Variants in KALRN observed in about 807,000 individuals in gnomAD.
KALRN encodes the protein kalirin.
In KALRN, 70 loss-of-function variants were observed where a neutral mutation model predicts 353.7. The observed-to-expected ratio is 0.20, with a 90% confidence interval of 0.16 to 0.24. The LOEUF (loss-of-function observed/expected upper bound fraction) is 0.24. KALRN is among the 10% of genes least tolerant of loss of function. The pLI is 1.00. For synonymous variants in KALRN, 1,391 were observed against 1,434.8 expected, an observed-to-expected ratio of 0.97 and a Z score of 0.69; for missense variants, 2,791 against 3,756.7, an observed-to-expected ratio of 0.74 and a Z score of 6.72.
chr3:124,515,691 A>C (rs1343916762), intron 33 of KALRN, among the ~76,000 whole-genome samples: 1 of 152,212 alleles, frequency 6.6e-6, no homozygotes, highest in African/African-American at 2.4e-5. Context: ...TTTCTCAAAG[A>C]AGAGAAATTA....
chr3:124,363,860 AG>A (rs533690500), intron 10 of KALRN, among the ~76,000 whole-genome samples: 139 of 152,348 alleles, frequency 9.1e-4, no homozygotes, highest in African/African-American at 3.3e-3. Context: ...ATATAAGTTT[AG>A]GTCAGTAGGA....
chr3:124,430,591 G>A, intron 15 of KALRN, 65 bp from the exon 16 acceptor site: 3 of 1,588,356 alleles, frequency 1.9e-6, no homozygotes, highest in Non-Finnish European at 2.6e-6. Context: ...CCCCATGAGA[G>A]GAGGCAACAG....
intron 56 of KALRN, among the ~76,000 whole-genome samples, chr3:124,700,754 C>T (rs527824810): frequency 8.5e-5 from 13 of 152,124 alleles, no homozygotes; most frequent in African/African-American, 2.9e-4. Context: ...GCTGACTGTA[C>T]TCGAAAGACC....
intron 29 of KALRN, among the ~76,000 whole-genome samples, chr3:124,490,330 C>G (rs2063015158): frequency 6.6e-6 from 1 of 152,206 alleles, no homozygotes; most frequent in Non-Finnish European, 1.5e-5. Context: ...CCACTCATAG[C>G]TACAAGTCAG....
chr3:124,448,380 T>C (rs2093909085), intron 21 of KALRN, among the ~76,000 whole-genome samples: 1 of 152,198 alleles, frequency 6.6e-6, no homozygotes, highest in Non-Finnish European at 1.5e-5. Context: ...AGAACTTTAA[T>C]GATTTTCCAA....
chr3:124,122,202 G>T (rs1449320075), intron 1 of KALRN, among the ~76,000 whole-genome samples: 1 of 152,170 alleles, frequency 6.6e-6, no homozygotes, highest in Non-Finnish European at 1.5e-5. Context: ...CAGTGGAGCT[G>T]GATATACCAG....
intron 25 of KALRN, among the ~76,000 whole-genome samples, chr3:124,464,208 G>A (rs989322694): frequency 4.6e-5 from 7 of 152,190 alleles, no homozygotes; most frequent in Admixed American, 3.3e-4. Context: ...ATGGTCTCTG[G>A]GATTTACTCA....
At chr3:124,115,969 C>G (rs946027749) in intron 1 of KALRN, among the ~76,000 whole-genome samples, 1 of 152,134 alleles carries the variant, frequency 6.6e-6, no homozygotes, top group Non-Finnish European at 1.5e-5. Flanking sequence ...AGTGTATGGT[C>G]CACAAAGAAT....
At chr3:124,072,079 G>A (rs1029704549) in intron 1 of KALRN, among the ~76,000 whole-genome samples, 9 of 152,204 alleles carry the variant, frequency 5.9e-5, no homozygotes, top group Non-Finnish European at 1.3e-4. Flanking sequence ...AAGGACTAAA[G>A]CTGGATGTTC....
intron 1 of KALRN, among the ~76,000 whole-genome samples, chr3:124,170,541 C>G (rs1049108784): frequency 2.0e-5 from 3 of 152,126 alleles, no homozygotes; most frequent in African/African-American, 7.2e-5. Flanking sequence ...GTTTGGAATT[C>G]TTTTAAAAGG....
intron 38 of KALRN, among the ~76,000 whole-genome samples, chr3:124,651,418 G>A (rs2083404095): frequency 6.6e-6 from 1 of 152,166 alleles, no homozygotes. Context: ...TTTTAATTTT[G>A]CATCTGTTTC....
intron 33 of KALRN, among the ~76,000 whole-genome samples, chr3:124,522,029 A>C (rs1427149170): frequency 1.3e-5 from 2 of 152,176 alleles, no homozygotes. Context: ...TATTAGAAGA[A>C]TCAAAGAAAA....
At chr3:124,718,433 C>T (rs565472319) in intron 59 of KALRN, among the ~76,000 whole-genome samples, 1 of 152,062 alleles carries the variant, frequency 6.6e-6, no homozygotes, top group African/African-American at 2.4e-5. Flanking sequence ...CCCATTATGA[C>T]TATTAAAGAG....
intron 33 of KALRN, chr3:124,519,200 A>G: frequency 1.0e-6 from 1 of 979,278 alleles, no homozygotes; most frequent in Non-Finnish European, 1.2e-6. Context: ...GGTGGGTGGG[A>G]AGAGTGAGAA....
At chr3:124,517,399 C>G (rs985113048) in intron 33 of KALRN, among the ~76,000 whole-genome samples, 1 of 152,110 alleles carries the variant, frequency 6.6e-6, no homozygotes, top group East Asian at 1.9e-4. Context: ...CATTTCCATG[C>G]GGCAAGTGTG....
At chr3:124,433,094 T>G (rs926514110) in intron 16 of KALRN, among the ~76,000 whole-genome samples, 1 of 151,904 alleles carries the variant, frequency 6.6e-6, no homozygotes, top group Non-Finnish European at 1.5e-5. Flanking sequence ...TCAAAGGGAG[T>G]GAAAGCAGTT....
chr3:124,224,077 A>G (rs985700939), intron 1 of KALRN, among the ~76,000 whole-genome samples: 1 of 151,950 alleles, frequency 6.6e-6, no homozygotes, highest in Non-Finnish European at 1.5e-5. Context: ...CCAGTGAAGC[A>G]TGCCTTTGTC....
Position 124,231,396 on chromosome 3 carries a change from C to G in KALRN, c.148+3332C>G, listed in dbSNP as rs568082394. On this transcript the variant is annotated intron_variant, in intron 2 of 59. Coordinates refer to ENST00000682506, the MANE Select transcript of KALRN (RefSeq NM_001388419.1). ...TTGTCTTTATGTGCATACACGCCTT[C>G]CTTTTGGCCACCTCCTCATGATTCC... Among the ~76,000 whole-genome samples the G allele has an allele frequency of 1.4e-3, 214 of 152,330 alleles. 1 individual carries two copies. Among genetic ancestry groups the G allele is most frequent in the Non-Finnish European group, 2.6e-3 (176 of 68,024 alleles).
At chr3:124,098,270 C>T (rs528692336) in intron 1 of KALRN, among the ~76,000 whole-genome samples, 11 of 152,300 alleles carry the variant, frequency 7.2e-5, no homozygotes, top group African/African-American at 2.4e-4. Context: ...CTGCTTGGCA[C>T]AGTCCAGAAG....
Sources: gnomAD v4.1 joint callset for allele counts (sites outside exome capture counted in the v4.1 genomes callset) on GRCh38, gnomAD v4.1.1 for gene constraint, MANE v1.5 for transcripts, NCBI Gene and HGNC (gene_info 2026-07-23, HGNC 2026-07-21) for gene names.